Variants in TMEM163 observed in about 807,000 individuals in gnomAD.
TMEM163 encodes the protein transmembrane protein 163.
Under a neutral mutation model 29.3 loss-of-function variants are expected in TMEM163, and 17 were observed. The observed-to-expected ratio is 0.58, with a 90% CI of 0.40 to 0.87. TMEM163 has a LOEUF of 0.87. Among genes scored for constraint, TMEM163 ranks in the 40% least tolerant of loss-of-function variants. The pLI, the probability that TMEM163 is intolerant of heterozygous loss-of-function variation, is 0.00. For missense variants in TMEM163, 303 were observed against 381.5 expected, an observed-to-expected ratio of 0.79 and a Z score of 1.71; for synonymous variants, 157 against 160.6, an observed-to-expected ratio of 0.98 and a Z score of 0.17.
At chr2:134,570,288 T>C (rs1255543454) in intron 2 of TMEM163, among the ~76,000 whole-genome samples, 1 of 152,092 alleles carries the variant, frequency 6.6e-6, no homozygotes, top group African/African-American at 2.4e-5. Flanking sequence ...AATGCAAAAG[T>C]GTCACAGTGC....
chr2:134,518,656 G>A (rs748428747), intron 4 of TMEM163, among the ~76,000 whole-genome samples: 50 of 152,148 alleles, frequency 3.3e-4, no homozygotes, highest in Admixed American at 7.9e-4. Context: ...TTTCTAGCAC[G>A]GTCCCAATTC....
intron 2 of TMEM163, among the ~76,000 whole-genome samples, chr2:134,656,160 T>C (rs564908281): frequency 6.9e-6 from 1 of 145,176 alleles, no homozygotes; most frequent in East Asian, 2.0e-4. Context: ...GCTGCCGCCT[T>C]GCAGTTTGAT....
intron 5 of TMEM163, among the ~76,000 whole-genome samples, chr2:134,481,106 A>G (rs1169611875): frequency 1.3e-5 from 2 of 151,790 alleles, no homozygotes; most frequent in Admixed American, 1.3e-4. Context: ...GGGGAGGGGG[A>G]CTTAGACTTC....
intron 2 of TMEM163, among the ~76,000 whole-genome samples, chr2:134,594,043 A>G (rs1034111473): frequency 5.9e-5 from 9 of 152,166 alleles, no homozygotes; most frequent in African/African-American, 2.2e-4. Flanking sequence ...TTAAATGAAG[A>G]GACAAGAAAC....
chr2:134,487,372 G>C (rs2106481288), intron 5 of TMEM163, among the ~76,000 whole-genome samples: 1 of 152,152 alleles, frequency 6.6e-6, no homozygotes, highest in African/African-American at 2.4e-5. Flanking sequence ...ACAAAATATA[G>C]AGGAATTGCC....
At chr2:134,543,433 G>A (rs1680719111) in intron 4 of TMEM163, among the ~76,000 whole-genome samples, 1 of 152,220 alleles carries the variant, frequency 6.6e-6, no homozygotes, top group Admixed American at 6.5e-5. Flanking sequence ...GTCAAGTTAA[G>A]AGCACTAGAC....
chr2:134,537,327 A>C (rs1444013285), intron 4 of TMEM163, among the ~76,000 whole-genome samples: 1 of 152,172 alleles, frequency 6.6e-6, no homozygotes, highest in East Asian at 1.9e-4. Flanking sequence ...TGACTTTCTC[A>C]CAGTTCTGGA....
intron 2 of TMEM163, among the ~76,000 whole-genome samples, chr2:134,677,247 G>A (rs1015497007): frequency 3.9e-5 from 6 of 152,168 alleles, no homozygotes; most frequent in East Asian, 1.9e-4. Context: ...AGTGAGGCCC[G>A]CTGGCCTGCG....
chr2:134,459,558 C>T (rs1460275949), intron 6 of TMEM163, among the ~76,000 whole-genome samples: 2 of 105,326 alleles, frequency 1.9e-5, no homozygotes, highest in Non-Finnish European at 3.7e-5. Context: ...CCCCACGCCT[C>T]CCCCATCTGC....
chr2:134,601,636 T>C (rs1319065658), intron 2 of TMEM163, among the ~76,000 whole-genome samples: 1 of 152,240 alleles, frequency 6.6e-6, no homozygotes, highest in Non-Finnish European at 1.5e-5. Flanking sequence ...CAGAACCAGT[T>C]CACAAATGCT....
chr2:134,710,833 G>A lies in TMEM163; in HGVS notation c.322+2367C>T, dbSNP rs947410104. On this transcript the variant is annotated intron_variant, in intron 2 of 7. Coordinates refer to ENST00000281924, the MANE Select transcript of TMEM163 (RefSeq NM_030923.5). ...CCCCTGCTAACACAAACACACACAG[G>A]CACACACTCCAAAACTTCCCCGCCA... Among the ~76,000 whole-genome samples the A allele has an allele frequency of 4.6e-5, 7 of 151,272 alleles. No homozygotes were observed. In the East Asian group the frequency reaches 1.4e-3, roughly 29 times the overall value.
At chr2:134,536,375 T>C (rs923529098) in intron 4 of TMEM163, among the ~76,000 whole-genome samples, 1 of 152,082 alleles carries the variant, frequency 6.6e-6, no homozygotes, top group African/African-American at 2.4e-5. Context: ...GTGACTGAGG[T>C]TGGGGCTGTT....
chr2:134,457,918 G>T, intron 7 of TMEM163, 114 bp downstream of exon 7: 1 of 1,517,944 alleles, frequency 6.6e-7, no homozygotes, highest in Non-Finnish European at 9.0e-7. Context: ...CTCAGGAGGG[G>T]CACAGGTACA....
intron 2 of TMEM163, among the ~76,000 whole-genome samples, chr2:134,664,852 A>T (rs1229602563): frequency 6.6e-6 from 1 of 151,966 alleles, no homozygotes; most frequent in Non-Finnish European, 1.5e-5. Flanking sequence ...TAACAGAATA[A>T]ATTGTTGGGT....
chr2:134,581,635 G>GC (rs1681696663), intron 2 of TMEM163, among the ~76,000 whole-genome samples: 1 of 73,190 alleles, frequency 1.4e-5, no homozygotes, highest in Non-Finnish European at 2.9e-5. Flanking sequence ...TTATGGGGGC[G>GC]GGGGGGAGAT....
rs755213998 is a variant in TMEM163 at position 134,677,643 on chromosome 2, G to A, written c.322+35557C>T. ...ATCTATAATATGACCATAGCTATACGTTTCTTAAAATGGATTAAGATTGTA... is the reference window on the plus strand; with the variant it reads ...ATCTATAATATGACCATAGCTATACATTTCTTAAAATGGATTAAGATTGTA... On this transcript the variant is annotated intron_variant, in intron 2 of 7. Coordinates refer to ENST00000281924, the MANE Select transcript of TMEM163 (RefSeq NM_030923.5). Among the ~76,000 whole-genome samples the A allele has an allele frequency of 8.5e-4, 130 of 152,216 alleles. 3 individuals are homozygous for A. Among genetic ancestry groups the A allele is most frequent in the Middle Eastern group, 3.4e-3 (1 of 294 alleles).
At position 134,718,904 on chromosome 2, in the gene TMEM163, C is replaced by A. The variant is rs1685101988; in HGVS notation, c.32G>T (p.Ser11Ile). ...CGGCGGGACGGTGGGCCCCTGGGAG[C>A]TGCGGCGCTGGATGCCCGCGGCCGG... MEPAAGIQRRSSQGPTVPPPP... is the reference protein window; with the variant it reads MEPAAGIQRRISQGPTVPPPP... Residue 11 changes from serine to isoleucine, a missense_variant, in exon 1 of 8, where the codon AGC becomes ATC. Ser to Ile is a moderately radical substitution (Grantham distance 142). Transcript: ENST00000281924. 3.7e-6 allele frequency: 4 copies of A among 1,079,694 alleles called. No homozygotes were observed. Among genetic ancestry groups the A allele is most frequent in the Admixed American group, 1.1e-4 (2 of 18,974 alleles). The allele number at this position is 1,079,694 out of a possible 1,614,324, so 66.9% of individuals were successfully genotyped here.
intron 2 of TMEM163, among the ~76,000 whole-genome samples, chr2:134,710,606 T>C (rs1684904126): frequency 6.6e-6 from 1 of 151,706 alleles, no homozygotes; most frequent in Non-Finnish European, 1.5e-5. Context: ...GTAGAATTTA[T>C]CATTTTCCAA....
intron 4 of TMEM163, among the ~76,000 whole-genome samples, chr2:134,526,832 A>G (rs1680308978): frequency 6.6e-6 from 1 of 152,216 alleles, no homozygotes; most frequent in Non-Finnish European, 1.5e-5. Flanking sequence ...TAAGAAGAAC[A>G]TGGTAAATGC....
Sources: allele counts gnomAD v4.1 joint callset (sites outside exome capture counted in the v4.1 genomes callset), GRCh38; gene constraint gnomAD v4.1.1; transcripts MANE v1.5; gene names NCBI Gene and HGNC (gene_info 2026-07-23, HGNC 2026-07-21).